Variants in SPDYC observed in about 807,000 individuals in gnomAD.
SPDYC encodes speedy/RINGO cell cycle regulator family member C.
SPDYC carries 25 observed loss-of-function variants against 33.9 expected under a neutral mutation model. That is an observed-to-expected ratio of 0.74 (90% CI 0.54 to 1.03). The LOEUF (loss-of-function observed/expected upper bound fraction) is 1.03, where lower values mean the gene tolerates loss of function less well. SPDYC is among the 50% of genes least tolerant of loss of function. SPDYC has a pLI of 0.00. For missense variants in SPDYC, 349 were observed against 382.9 expected (o/e 0.91, Z 0.74); for synonymous variants, 133 against 140.2 (o/e 0.95, Z 0.36).
chr11:65,172,655 C>G, intron 5 of SPDYC, 29 bp from the exon 6 acceptor site: 1 of 1,572,004 alleles, frequency 6.4e-7, no homozygotes. Context: ...GGTTCCCACC[C>G]CATTTACTGT....
At chr11:65,170,539 T>G (rs1040298726) in intron 1 of SPDYC, among the ~76,000 whole-genome samples, 1 of 151,926 alleles carries the variant, frequency 6.6e-6, no homozygotes, top group African/African-American at 2.4e-5. Flanking sequence ...TCTGCTTTGG[T>G]GAGGGGTCGG....
chr11:65,171,096 C>T (rs1948425932), intron 1 of SPDYC, among the ~76,000 whole-genome samples: 1 of 152,044 alleles, frequency 6.6e-6, no homozygotes, highest in Non-Finnish European at 1.5e-5. Flanking sequence ...TGCTGTTACT[C>T]TGGCCTGTCC....
downstream of SPDYC, chr11:65,173,338 C>G (rs976520640): frequency 8.2e-7 from 1 of 1,212,686 alleles, no homozygotes; most frequent in Non-Finnish European, 1.1e-6. Flanking sequence ...GTGCCAGTCC[C>G]CTCTAATAAA....
chr11:65,171,497 TG>T lies in SPDYC; in HGVS notation c.199+1del, dbSNP rs1383906851. 2 of 1,566,738 alleles carry T rather than the reference TG, an allele frequency of 1.3e-6. No individual in the cohort carries two copies. The highest frequency in any genetic ancestry group is 8.6e-7 in the Non-Finnish European group (1 of 1,158,896). On this transcript the variant is annotated frameshift_variant and splice_region_variant, in exon 2 of 7. Coordinates refer to ENST00000377185, the Ensembl canonical transcript of SPDYC. LOFTEE classifies it high-confidence loss of function. ...GAGGTCCAGGCCTTCCTCAGCCTTCTGGGTGAGTTTGGAGGGCTGGCACGGG... is the reference window on the plus strand; with the variant it reads ...GAGGTCCAGGCCTTCCTCAGCCTTCTGGTGAGTTTGGAGGGCTGGCACGGG...
chr11:65,171,530 C>T (rs758717500), intron 2 of SPDYC, 31 bp downstream of exon 2: 12 of 1,502,606 alleles, frequency 8.0e-6, no homozygotes, highest in South Asian at 2.6e-5. Flanking sequence ...CGGGAGGGGC[C>T]GTGAGGTCAA....
At chr11:65,170,977 C>T (rs1948424054) in intron 1 of SPDYC, among the ~76,000 whole-genome samples, 1 of 152,180 alleles carries the variant, frequency 6.6e-6, no homozygotes, top group African/African-American at 2.4e-5. Context: ...TCAGTTTCCT[C>T]GTTTGACGAC....
chr11:65,171,604 C>T (rs1948434997), intron 2 of SPDYC, 105 bp downstream of exon 2: 26 of 1,288,684 alleles, frequency 2.0e-5, no homozygotes, highest in Non-Finnish European at 2.7e-5. Flanking sequence ...GACCTCTGAC[C>T]CTCTCCCTCT....
chr11:65,170,539 T>C (rs1040298726), intron 1 of SPDYC, among the ~76,000 whole-genome samples: 2 of 151,926 alleles, frequency 1.3e-5, no homozygotes, highest in African/African-American at 4.8e-5. Context: ...TCTGCTTTGG[T>C]GAGGGGTCGG....
chr11:65,170,346 A>T, intron 1 of SPDYC, 85 bp downstream of exon 1: 1 of 1,368,372 alleles, frequency 7.3e-7, no homozygotes, highest in South Asian at 1.6e-5. Flanking sequence ...GGTCGACCGC[A>T]CGTTCTCCTC....
chr11:65,171,624 C>A, intron 2 of SPDYC, 125 bp downstream of exon 2: 2 of 1,180,122 alleles, frequency 1.7e-6, no homozygotes, highest in Non-Finnish European at 2.3e-6. Context: ...TCAGGTATCC[C>A]AGCTTAGGCA....
intron 6 of SPDYC, 69 bp from the exon 7 acceptor site, chr11:65,173,114 C>A: frequency 1.2e-6 from 2 of 1,602,058 alleles, no homozygotes; most frequent in South Asian, 2.2e-5. Flanking sequence ...GGCCTGGGGT[C>A]GACGTGCTGC....
exon 4 of SPDYC, chr11:65,172,329 C>T (rs1948445593): frequency 6.2e-7 from 1 of 1,613,902 alleles, no homozygotes; most frequent in South Asian, 1.1e-5. Context: ...TGTTCTTGGC[C>T]CTGTGAGTGG....
Position 65,172,429 on chromosome 11 carries a change from G to T in SPDYC, c.345-5G>T, listed in dbSNP as rs367973399. ...TGCTCCCTGACCTTGTGCCTCTGTG[G>T]CTAGGTACCTTGCAAACGACATGGA... On this transcript the variant is annotated splice_polypyrimidine_tract_variant and splice_region_variant and intron_variant, in intron 4 of 6. Transcript: ENST00000377185. The T allele has an allele frequency of 2.6e-5, 42 of 1,606,276 alleles. No homozygotes were observed. Among genetic ancestry groups the T allele is most frequent in the Non-Finnish European group, 3.4e-5 (40 of 1,174,014 alleles).
intron 1 of SPDYC, 81 bp from the exon 2 acceptor site, chr11:65,171,246 G>C: frequency 1.4e-6 from 2 of 1,463,456 alleles, no homozygotes; most frequent in Non-Finnish European, 1.8e-6. Context: ...CCCCTCCACC[G>C]TCCTGGCCCC....
intron 6 of SPDYC, 82 bp from the exon 7 acceptor site, chr11:65,173,101 A>G: frequency 6.3e-7 from 1 of 1,599,496 alleles, no homozygotes; most frequent in Non-Finnish European, 8.5e-7. Flanking sequence ...AGAGAGGGCC[A>G]TGGGCCTGGG....
intron 1 of SPDYC, 125 bp from the exon 2 acceptor site, chr11:65,171,202 C>T: frequency 9.7e-7 from 1 of 1,033,790 alleles, no homozygotes; most frequent in Non-Finnish European, 1.4e-6. Flanking sequence ...ATCCCGGCTG[C>T]CTTCTGTTCT....
intron 1 of SPDYC, among the ~76,000 whole-genome samples, chr11:65,170,712 A>G (rs1948421683): frequency 6.6e-6 from 1 of 151,670 alleles, no homozygotes; most frequent in African/African-American, 2.4e-5. Flanking sequence ...GTCTCTACCA[A>G]AAAAATACAA....
chr11:65,172,994 C>G lies in SPDYC; in HGVS notation c.827C>G (p.Pro276Arg), dbSNP rs200206037. The stretch of plus-strand genomic sequence containing the variant: ...TTGCCTCCCCAGATGCAACTGGAAC[C>G]AGGCACCTACTCCCTCCGCAGTGAG... The change falls in exon 6 of 7, where the codon CCA becomes CGA. Residue 276 changes from proline to arginine, a missense_variant. Transcript: ENST00000377185. The G allele has an allele frequency of 1.6e-5, 26 of 1,613,830 alleles. No homozygotes were observed. The Middle Eastern group carries it at 4.9e-4, about 31-fold the overall frequency.
chr11:65,173,179 CCA>C lies in SPDYC; in HGVS notation c.848-3_848-2del, dbSNP rs761058220. On this transcript the variant is annotated splice_acceptor_variant and splice_polypyrimidine_tract_variant and intron_variant, in intron 6 of 6. Transcript: ENST00000377185. LOFTEE classifies it high-confidence loss of function. ...CTCTGAGCCTCACTCTTTCCTCTCCCCAGTCTTCCCAAAGCCTCCGGCACGCC... is the reference window on the plus strand; with the variant it reads ...CTCTGAGCCTCACTCTTTCCTCTCCCGTCTTCCCAAAGCCTCCGGCACGCC... 6.2e-7 allele frequency: 1 copy of C among 1,613,972 alleles called. No individual in the cohort carries two copies. Among genetic ancestry groups the C allele is most frequent in the East Asian group, 2.2e-5 (1 of 44,882 alleles).
Sources: allele counts gnomAD v4.1 joint callset (sites outside exome capture counted in the v4.1 genomes callset), GRCh38; gene constraint gnomAD v4.1.1; transcripts MANE v1.5; gene names NCBI Gene and HGNC (gene_info 2026-07-23, HGNC 2026-07-21).